The following TMEM267 variants were observed in gnomAD, a reference collection of about 807,000 sequenced individuals.
TMEM267 encodes the protein transmembrane protein C5orf28.
Under a neutral mutation model 19.3 loss-of-function variants are expected in TMEM267, and 20 were observed. The observed-to-expected ratio is 1.04, with a 90% CI of 0.73 to 1.51. The LOEUF (loss-of-function observed/expected upper bound fraction) is 1.51, where lower values mean the gene tolerates loss of function less well. Among genes scored for constraint, TMEM267 ranks in the 40% most tolerant of loss-of-function variants. TMEM267 has a pLI of 0.00. For missense variants in TMEM267, 242 were observed against 261.9 expected (o/e 0.92, Z 0.52); for synonymous variants, 88 against 90.3 (o/e 0.97, Z 0.15).
At chr5:43,455,606 G>C (rs998890372) in intron 1 of TMEM267, among the ~76,000 whole-genome samples, 4 of 152,118 alleles carry the variant, frequency 2.6e-5, no homozygotes, top group Admixed American at 6.5e-5. Context: ...GGAGTGCAGT[G>C]GTGTGATCTT....
chr5:43,451,845 C>T (rs939990702), intron 2 of TMEM267, among the ~76,000 whole-genome samples: 8 of 151,972 alleles, frequency 5.3e-5, no homozygotes, highest in East Asian at 1.9e-4. Flanking sequence ...GAGGTTGAGG[C>T]GGGAGGATCA....
intron 1 of TMEM267, chr5:43,479,948 T>A: frequency 2.4e-6 from 1 of 414,452 alleles, no homozygotes; most frequent in Non-Finnish European, 4.7e-6. Flanking sequence ...TGTCACAAAT[T>A]ATGAATCATT....
intron 1 of TMEM267, among the ~76,000 whole-genome samples, chr5:43,480,637 T>A (rs1170725701): frequency 6.6e-6 from 1 of 151,772 alleles, no homozygotes; most frequent in African/African-American, 2.4e-5. Context: ...TACAAATTTA[T>A]TTTCAACCCT....
chr5:43,465,810 G>T (rs563767083), intron 1 of TMEM267, among the ~76,000 whole-genome samples: 1 of 152,078 alleles, frequency 6.6e-6, no homozygotes, highest in Non-Finnish European at 1.5e-5. Context: ...GTTGTGGGGT[G>T]GGGGAAGTGG....
chr5:43,453,467 G>C (rs1414708691), intron 2 of TMEM267, among the ~76,000 whole-genome samples, 191 bp downstream of exon 2: 1 of 152,220 alleles, frequency 6.6e-6, no homozygotes, highest in Non-Finnish European at 1.5e-5. Context: ...AGCAGTTTGT[G>C]ATGGCAAATA....
chr5:43,458,920 AG>A (rs574503047), intron 1 of TMEM267, among the ~76,000 whole-genome samples: 1 of 152,140 alleles, frequency 6.6e-6, no homozygotes, highest in Non-Finnish European at 1.5e-5. Context: ...CCAAAGCTTA[AG>A]GGGAAAATAT....
In TMEM267 at chr5:43,445,991, A is replaced by G; in HGVS notation, c.*231T>C. 1 of 269,316 alleles carries G rather than the reference A, an allele frequency of 3.7e-6. No individual in the cohort carries two copies. Among genetic ancestry groups the G allele is most frequent in the Non-Finnish European group, 6.9e-6 (1 of 144,782 alleles). 16.7% of individuals were successfully genotyped at this position (269,316 alleles called of 1,614,324 possible). On this transcript the variant is annotated 3_prime_UTR_variant, in exon 3 of 3. Coordinates refer to ENST00000397080, the MANE Select transcript of TMEM267 (RefSeq NM_022483.5). Reference sequence around the variant, plus strand: ...AAAAAACAGTAAAAATATATTGTGGAATAAATGAAACTCTAATATTGCACT... The same window carrying G: ...AAAAAACAGTAAAAATATATTGTGGGATAAATGAAACTCTAATATTGCACT...
chr5:43,481,994 C>A (rs1744807822), intron 1 of TMEM267, among the ~76,000 whole-genome samples: 1 of 152,158 alleles, frequency 6.6e-6, no homozygotes, highest in Non-Finnish European at 1.5e-5. Context: ...AGGCGCCCGC[C>A]ACCACGCCCG....
At chr5:43,462,966 C>CA (rs1264702917) in intron 1 of TMEM267, among the ~76,000 whole-genome samples, 2 of 152,000 alleles carry the variant, frequency 1.3e-5, no homozygotes, top group Non-Finnish European at 2.9e-5. Flanking sequence ...AATAGAGACA[C>CA]AAAAAACTTT....
At position 43,445,695 on chromosome 5, in the gene TMEM267, T is replaced by C. The variant is rs540584001; in HGVS notation, c.*527A>G. On this transcript the variant is annotated 3_prime_UTR_variant, in exon 3 of 3. Transcript: ENST00000397080. ...CATAAAGCATTCTGCAAATTAAATT[T>C]CACTCAGGATCAACATATATGAAAA... 1 of 152,358 alleles carries C rather than the reference T, an allele frequency of 6.6e-6. No homozygotes were observed. The highest frequency in any genetic ancestry group is 2.4e-5 in the African/African-American group (1 of 41,574). 9.4% of individuals were successfully genotyped at this position (152,358 alleles called of 1,614,324 possible).
chr5:43,446,547 G>T lies in TMEM267; in HGVS notation c.323C>A (p.Thr108Asn). ...GTGAAGGAAAGGTCTTCGCGGGAGAGTCAAAGCAGCCTGAGGGAGCAAAGT... is the reference window on the plus strand; with the variant it reads ...GTGAAGGAAAGGTCTTCGCGGGAGATTCAAAGCAGCCTGAGGGAGCAAAGT... Reference protein sequence around the residue: ...AGSMSLKAALTLPRRPFLHCS... With the variant: ...AGSMSLKAALNLPRRPFLHCS... Residue 108 changes from threonine (T) to asparagine (N), a missense_variant, in exon 3 of 3, where the codon ACT becomes AAT. Thr to Asn is a moderately conservative substitution (Grantham distance 65). Transcript: ENST00000397080. 1 of 1,605,276 alleles carries T rather than the reference G, an allele frequency of 6.2e-7. No individual in the cohort carries two copies. Among genetic ancestry groups the T allele is most frequent in the Non-Finnish European group, 8.5e-7 (1 of 1,174,714 alleles).
intron 1 of TMEM267, among the ~76,000 whole-genome samples, chr5:43,472,576 A>G (rs1485716685): frequency 6.6e-6 from 1 of 152,226 alleles, no homozygotes; most frequent in Non-Finnish European, 1.5e-5. Context: ...TAAAGAAAAT[A>G]TGGTGCATAT....
chr5:43,456,857 C>T (rs555773473), intron 1 of TMEM267, among the ~76,000 whole-genome samples: 9 of 152,330 alleles, frequency 5.9e-5, no homozygotes, highest in South Asian at 2.1e-4. Flanking sequence ...GAAAGTTAAA[C>T]GTACTCTTAC....
At chr5:43,455,200 G>A (rs1455309736) in intron 1 of TMEM267, among the ~76,000 whole-genome samples, 2 of 152,142 alleles carry the variant, frequency 1.3e-5, no homozygotes, top group Non-Finnish European at 2.9e-5. Context: ...GAGGCAGGAG[G>A]ATTGCTTGAG....
chr5:43,463,421 C>A (rs976752643), intron 1 of TMEM267, among the ~76,000 whole-genome samples: 6 of 152,270 alleles, frequency 3.9e-5, no homozygotes, highest in South Asian at 2.1e-4. Context: ...AAGAGGGAAT[C>A]CTCCCTAACT....
At chr5:43,469,496 T>C (rs1046930339) in intron 1 of TMEM267, among the ~76,000 whole-genome samples, 1 of 152,042 alleles carries the variant, frequency 6.6e-6, no homozygotes, top group Non-Finnish European at 1.5e-5. Context: ...ATCAACAAAA[T>C]GAAGGACACA....
intron 1 of TMEM267, among the ~76,000 whole-genome samples, chr5:43,468,255 G>A (rs537577251): frequency 2.6e-5 from 4 of 152,288 alleles, no homozygotes; most frequent in East Asian, 1.9e-4. Context: ...GGTGAAAGAC[G>A]CGGGGCTTTG....
Position 43,479,962 on chromosome 5 carries a change from TC to T in TMEM267, c.-75+3859del. The T allele has an allele frequency of 7.5e-6, 3 of 401,612 alleles. 1 individual carries two copies. Among genetic ancestry groups the T allele is most frequent in the South Asian group, 5.4e-5 (3 of 55,172 alleles). 24.9% of individuals were successfully genotyped at this position (401,612 alleles called of 1,614,324 possible). A position where few individuals can be genotyped will look rare whatever the true frequency, so the allele number is the denominator to read the frequency against. ...GTGTCACAAATTATGAATCATTGTC[TC>T]CTTTAGAAAACAAACATTCAACACC... On this transcript the variant is annotated intron_variant, in intron 1 of 2. Transcript: ENST00000397080.
chr5:43,450,271 C>T (rs1742505431), intron 2 of TMEM267, among the ~76,000 whole-genome samples: 1 of 152,036 alleles, frequency 6.6e-6, no homozygotes, highest in African/African-American at 2.4e-5. Flanking sequence ...GGGTTACAGG[C>T]ATGAGCCACT....
Sources: gnomAD v4.1 joint callset for allele counts (sites outside exome capture counted in the v4.1 genomes callset) on GRCh38, gnomAD v4.1.1 for gene constraint, MANE v1.5 for transcripts, NCBI Gene and HGNC (gene_info 2026-07-23, HGNC 2026-07-21) for gene names.